Variants in DPP10 observed in about 807,000 individuals in gnomAD.
The protein encoded by DPP10 is inactive dipeptidyl peptidase 10.
A neutral mutation model predicts 120.9 loss-of-function variants in DPP10; 33 were observed. The observed-to-expected ratio is 0.27, with a 90% CI of 0.21 to 0.37. DPP10 has a LOEUF of 0.37. DPP10 is among the 10% of genes least tolerant of loss of function. DPP10 has a pLI of 1.00. For missense variants in DPP10, 816 were observed against 942.8 expected (o/e 0.87, Z 1.76); for synonymous variants, 337 against 326.1 (o/e 1.03, Z -0.36).
At chr2:114,975,857 G>A (rs1415474856) in intron 1 of DPP10, among the ~76,000 whole-genome samples, 1 of 152,024 alleles carries the variant, frequency 6.6e-6, no homozygotes, top group African/African-American at 2.4e-5. Context: ...CACCATGTTG[G>A]CCAGGCTGGT....
chr2:115,194,374 G>C (rs887707867), intron 1 of DPP10, among the ~76,000 whole-genome samples: 3 of 152,080 alleles, frequency 2.0e-5, no homozygotes, highest in Non-Finnish European at 4.4e-5. Context: ...ACAGGCATGC[G>C]CCACCACGCC....
intron 17 of DPP10, among the ~76,000 whole-genome samples, chr2:115,784,609 C>T (rs1191629003): frequency 6.6e-6 from 1 of 152,124 alleles, no homozygotes; most frequent in Non-Finnish European, 1.5e-5. Context: ...TCTCAGCTCA[C>T]CGCAACCTCC....
chr2:115,570,987 C>T (rs1409853169), intron 5 of DPP10, among the ~76,000 whole-genome samples: 4 of 152,104 alleles, frequency 2.6e-5, no homozygotes, highest in African/African-American at 9.7e-5. Flanking sequence ...GGGCATTAAC[C>T]ACAGTGTAAA....
chr2:114,977,946 G>T (rs1699856685), intron 1 of DPP10, among the ~76,000 whole-genome samples: 1 of 148,836 alleles, frequency 6.7e-6, no homozygotes, highest in African/African-American at 2.5e-5. Flanking sequence ...TTTTTGGTTT[G>T]CAAATTTGGG....
intron 1 of DPP10, among the ~76,000 whole-genome samples, chr2:114,615,907 C>T (rs1439345731): frequency 6.6e-6 from 1 of 152,058 alleles, no homozygotes; most frequent in Non-Finnish European, 1.5e-5. Context: ...CATTGGTGCT[C>T]ATTATCTGAT....
chr2:114,767,898 A>G (rs753098127), intron 1 of DPP10, among the ~76,000 whole-genome samples: 1 of 152,180 alleles, frequency 6.6e-6, no homozygotes, highest in Non-Finnish European at 1.5e-5. Flanking sequence ...AGGCAGGCAG[A>G]TCACCTGAGG....
chr2:114,938,691 A>G (rs1040299219), intron 1 of DPP10, among the ~76,000 whole-genome samples: 1 of 146,944 alleles, frequency 6.8e-6, no homozygotes, highest in Non-Finnish European at 1.5e-5. Context: ...CATTTGTCTA[A>G]TTCTTCCTTT....
rs1315341961 is a variant in DPP10 at position 115,843,506 on chromosome 2, C to T, written c.*1161C>T. Reference sequence around the variant, plus strand: ...AGTATTCCATGCCTGCCCAATTCATCTGTTACTGTTTAATTTCAATTCTTC... The same window carrying T: ...AGTATTCCATGCCTGCCCAATTCATTTGTTACTGTTTAATTTCAATTCTTC... On this transcript the variant is annotated 3_prime_UTR_variant, in exon 26 of 26. Coordinates refer to ENST00000410059, the MANE Select transcript of DPP10 (RefSeq NM_020868.6). 1 of 151,504 alleles carries T rather than the reference C, an allele frequency of 6.6e-6. No homozygotes were observed. The highest frequency in any genetic ancestry group is 6.6e-5 in the Admixed American group (1 of 15,250). 9.4% of individuals were successfully genotyped at this position (151,504 alleles called of 1,614,324 possible). A position where few individuals can be genotyped will look rare whatever the true frequency, so the allele number is the denominator to read the frequency against.
chr2:115,395,586 C>T (rs776869442), intron 3 of DPP10, among the ~76,000 whole-genome samples: 1 of 152,156 alleles, frequency 6.6e-6, no homozygotes, highest in Non-Finnish European at 1.5e-5. Flanking sequence ...CTTTGAAGCT[C>T]AGTTTCTTTC....
chr2:115,623,527 A>G (rs1379792803), intron 5 of DPP10, among the ~76,000 whole-genome samples: 4 of 152,206 alleles, frequency 2.6e-5, no homozygotes, highest in Non-Finnish European at 5.9e-5. Flanking sequence ...GTCTTATTAT[A>G]TGCCAGTGGC....
At chr2:115,328,748 T>C (rs1324582367) in intron 2 of DPP10, among the ~76,000 whole-genome samples, 1 of 152,118 alleles carries the variant, frequency 6.6e-6, no homozygotes, top group South Asian at 2.1e-4. Flanking sequence ...CCCTCATCTC[T>C]TCTCTATCCT....
chr2:115,558,735 A>G lies in DPP10; in HGVS notation c.441+32763A>G, dbSNP rs2080373404. 2.0e-5 allele frequency among the ~76,000 whole-genome samples: 3 copies of G among 152,154 alleles called. No homozygotes were observed. In the South Asian group the frequency reaches 6.2e-4, roughly 32 times the overall value. On this transcript the variant is annotated intron_variant, in intron 5 of 25. Coordinates refer to ENST00000410059, the MANE Select transcript of DPP10 (RefSeq NM_020868.6). ...GTTATTTTCATTTATTCAGAAAATC[A>G]TATATAGTCTATGATATTATACAAC...
At chr2:115,102,947 CTTGGGACCTTGATGATACCTTTAAA>C (rs780820512) in intron 1 of DPP10, among the ~76,000 whole-genome samples, 19 of 152,110 alleles carry the variant, frequency 1.2e-4, no homozygotes, top group Non-Finnish European at 2.6e-4. Flanking sequence ...ATGATAATCT[CTTGGGACCTTGATGATACCTTTAAA>C]TTGTAGAATC....
intron 3 of DPP10, among the ~76,000 whole-genome samples, chr2:115,442,776 T>C (rs2104886306): frequency 6.6e-6 from 1 of 152,316 alleles, no homozygotes; most frequent in Non-Finnish European, 1.5e-5. Context: ...ACATTTTTTT[T>C]CTCCCAAGAG....
intron 1 of DPP10, among the ~76,000 whole-genome samples, chr2:115,010,310 T>C (rs1413646024): frequency 6.6e-6 from 1 of 152,222 alleles, no homozygotes; most frequent in Non-Finnish European, 1.5e-5. Context: ...TGTTTGCGAC[T>C]AAGCACCATT....
chr2:114,675,497 G>A (rs960709194), intron 1 of DPP10, among the ~76,000 whole-genome samples: 4 of 152,120 alleles, frequency 2.6e-5, no homozygotes, highest in African/African-American at 9.7e-5. Context: ...TATGTGCTCT[G>A]CTCCTTCTGC....
chr2:114,619,367 G>GTA (rs1381769759), intron 1 of DPP10, among the ~76,000 whole-genome samples: 4 of 149,434 alleles, frequency 2.7e-5, no homozygotes, highest in Non-Finnish European at 4.4e-5. Context: ...ATATGTGTGT[G>GTA]TATATATATA....
intron 1 of DPP10, among the ~76,000 whole-genome samples, chr2:115,290,972 G>T (rs1485666148): frequency 6.6e-6 from 1 of 152,072 alleles, no homozygotes; most frequent in Non-Finnish European, 1.5e-5. Context: ...GCTAGAGTTT[G>T]TCATGGGACC....
intron 5 of DPP10, among the ~76,000 whole-genome samples, chr2:115,530,337 A>G (rs1353359362): frequency 3.3e-5 from 5 of 152,166 alleles, no homozygotes; most frequent in Non-Finnish European, 5.9e-5. Context: ...TCCACAGCAT[A>G]CAACATCATG....
Sources: allele counts gnomAD v4.1 joint callset (sites outside exome capture counted in the v4.1 genomes callset), GRCh38; gene constraint gnomAD v4.1.1; transcripts MANE v1.5; gene names NCBI Gene and HGNC (gene_info 2026-07-23, HGNC 2026-07-21).